The following PPP2R5E variants were observed in gnomAD, a reference collection of about 807,000 sequenced individuals.
PPP2R5E encodes the protein serine/threonine-protein phosphatase 2A 56 kDa regulatory subunit epsilon isoform.
Under a neutral mutation model 65.3 loss-of-function variants are expected in PPP2R5E, and 4 were observed. The observed-to-expected ratio is 0.06, with a 90% CI of 0.03 to 0.14. The LOEUF (loss-of-function observed/expected upper bound fraction) is 0.14. Among genes scored for constraint, PPP2R5E ranks in the 10% least tolerant of loss-of-function variants. PPP2R5E has a pLI of 1.00. For synonymous variants in PPP2R5E, 183 were observed against 187.4 expected (o/e 0.98, Z 0.19); for missense variants, 274 against 556.1 (o/e 0.49, Z 5.10).
At chr14:63,481,086 C>T (rs1310595549) in intron 2 of PPP2R5E, among the ~76,000 whole-genome samples, 2 of 152,166 alleles carry the variant, frequency 1.3e-5, no homozygotes, top group African/African-American at 2.4e-5. Flanking sequence ...TGACACATAA[C>T]TCAGAAACAG....
At chr14:63,457,934 C>T (rs1889221546) in intron 2 of PPP2R5E, among the ~76,000 whole-genome samples, 1 of 152,156 alleles carries the variant, frequency 6.6e-6, no homozygotes. Context: ...GTACTTCTCA[C>T]TGCACTGTAC....
chr14:63,433,712 C>CA (rs1405414576), intron 3 of PPP2R5E, among the ~76,000 whole-genome samples: 1 of 152,172 alleles, frequency 6.6e-6, no homozygotes, highest in East Asian at 1.9e-4. Context: ...TTTGAGAGAG[C>CA]AGTTACATAG....
intron 5 of PPP2R5E, among the ~76,000 whole-genome samples, chr14:63,400,299 C>T (rs2139814897): frequency 6.6e-6 from 1 of 152,262 alleles, no homozygotes; most frequent in East Asian, 1.9e-4. Context: ...TTAAGTAGTT[C>T]AGGATGTTGT....
At chr14:63,513,787 C>T (rs964955) in intron 2 of PPP2R5E, among the ~76,000 whole-genome samples, 34,765 of 152,106 alleles carry the variant, frequency 0.23, 5,530 homozygotes, top group African/African-American at 0.45. Flanking sequence ...ATATAGCGCT[C>T]ATCTTTCATT....
chr14:63,377,633 T>C (rs1441495513), intron 13 of PPP2R5E, among the ~76,000 whole-genome samples: 1 of 152,230 alleles, frequency 6.6e-6, no homozygotes, highest in African/African-American at 2.4e-5. Flanking sequence ...AGTAAAGCCA[T>C]ATGGTAATTA....
chr14:63,441,697 G>A (rs1196777565), intron 3 of PPP2R5E, among the ~76,000 whole-genome samples: 1 of 152,130 alleles, frequency 6.6e-6, no homozygotes, highest in Non-Finnish European at 1.5e-5. Context: ...AGATCATGAG[G>A]TCAGGAGATT....
intron 5 of PPP2R5E, among the ~76,000 whole-genome samples, chr14:63,409,965 A>G (rs1190187154): frequency 6.6e-6 from 1 of 152,176 alleles, no homozygotes; most frequent in African/African-American, 2.4e-5. Flanking sequence ...CCTAAAATAT[A>G]CTTACAATAT....
chr14:63,389,768 T>A (rs1483349408), intron 10 of PPP2R5E, 37 bp from the exon 11 acceptor site: 2 of 1,521,206 alleles, frequency 1.3e-6, no homozygotes, highest in Non-Finnish European at 1.8e-6. Flanking sequence ...GTGAGGCACA[T>A]CATGAAAAAA....
At chr14:63,404,406 A>G (rs1885951098) in intron 5 of PPP2R5E, among the ~76,000 whole-genome samples, 1 of 152,218 alleles carries the variant, frequency 6.6e-6, no homozygotes, top group Non-Finnish European at 1.5e-5. Context: ...CTTTGTTTGC[A>G]ACTTTCTCCT....
chr14:63,458,335 T>A (rs923862537), intron 2 of PPP2R5E, among the ~76,000 whole-genome samples: 15 of 152,196 alleles, frequency 9.9e-5, no homozygotes, highest in Non-Finnish European at 1.8e-4. Context: ...TTCCACCCTA[T>A]CTAATGTTTG....
At chr14:63,423,699 TG>T (rs1440316262) in intron 3 of PPP2R5E, among the ~76,000 whole-genome samples, 1 of 152,228 alleles carries the variant, frequency 6.6e-6, no homozygotes, top group African/African-American at 2.4e-5. Context: ...AGAAAGGCTT[TG>T]GGGTATCCAC....
At chr14:63,522,925 T>C (rs1365059700) in intron 2 of PPP2R5E, among the ~76,000 whole-genome samples, 25 of 123,588 alleles carry the variant, frequency 2.0e-4, no homozygotes, top group African/African-American at 7.1e-4. Flanking sequence ...GTCAGCCCTC[T>C]ACCCGGCCAG....
chr14:63,495,961 G>A (rs1891541693), intron 2 of PPP2R5E, among the ~76,000 whole-genome samples: 1 of 152,120 alleles, frequency 6.6e-6, no homozygotes, highest in African/African-American at 2.4e-5. Flanking sequence ...TAAGCGCTGG[G>A]ATTACAGGCG....
intron 11 of PPP2R5E, among the ~76,000 whole-genome samples, chr14:63,388,502 A>G (rs985355670): frequency 2.0e-5 from 3 of 152,180 alleles, no homozygotes; most frequent in African/African-American, 7.2e-5. Flanking sequence ...CATCCTGCTG[A>G]AAACTGAAAA....
At chr14:63,379,324 T>A (rs569539919) in intron 13 of PPP2R5E, among the ~76,000 whole-genome samples, 1 of 152,174 alleles carries the variant, frequency 6.6e-6, no homozygotes, top group South Asian at 2.1e-4. Context: ...CAGGCTGGAG[T>A]ACAATGATGC....
At chr14:63,415,377 G>T in intron 4 of PPP2R5E, 145 bp from the exon 5 acceptor site, 2 of 480,762 alleles carry the variant, frequency 4.2e-6, no homozygotes, top group Non-Finnish European at 7.2e-6. Context: ...AGCCTTTCTT[G>T]TGGCTCACAG....
chr14:63,417,815 C>G (rs901154533), intron 4 of PPP2R5E, among the ~76,000 whole-genome samples: 4 of 152,156 alleles, frequency 2.6e-5, no homozygotes, highest in African/African-American at 9.7e-5. Flanking sequence ...TAACCACCGC[C>G]ACTTTTGCAA....
At chr14:63,530,806 G>A (rs1893396181) in intron 2 of PPP2R5E, among the ~76,000 whole-genome samples, 1 of 151,124 alleles carries the variant, frequency 6.6e-6, no homozygotes, top group Admixed American at 6.6e-5. Flanking sequence ...TAGTAGAGAT[G>A]GGGTTTCACC....
intron 5 of PPP2R5E, among the ~76,000 whole-genome samples, chr14:63,408,371 G>A (rs138267114): frequency 4.2e-4 from 64 of 152,146 alleles, no homozygotes; most frequent in African/African-American, 1.5e-3. Flanking sequence ...CCAATTTAAC[G>A]TATATGTGTA....
Sources: allele counts gnomAD v4.1 joint callset (sites outside exome capture counted in the v4.1 genomes callset), GRCh38; gene constraint gnomAD v4.1.1; transcripts MANE v1.5; gene names NCBI Gene and HGNC (gene_info 2026-07-23, HGNC 2026-07-21).